NUGGC: variants seen among roughly 807,000 people sequenced by gnomAD.
NUGGC encodes the protein nuclear GTPase SLIP-GC.
In NUGGC, 58 loss-of-function variants were observed where a neutral mutation model predicts 92.6. The ratio of observed to expected loss-of-function variants is 0.63; its 90% confidence interval spans 0.51 to 0.78. NUGGC has a LOEUF of 0.78. Among genes scored for constraint, NUGGC ranks in the 30% least tolerant of loss-of-function variants. NUGGC has a pLI of 0.00. For synonymous variants in NUGGC, 376 were observed against 366.4 expected (o/e 1.03, Z -0.30); for missense variants, 925 against 964.6 (o/e 0.96, Z 0.54).
rs1233668793 is a variant in NUGGC, at chr8:28,067,639, C to T, written c.586G>A (p.Ala196Thr). The T allele has an allele frequency of 9.3e-6, 15 of 1,614,000 alleles. No homozygotes were observed. The highest frequency in any genetic ancestry group is 6.7e-5 in the East Asian group (3 of 44,884). ...TAAATCATTTGTAGCTTCCAGGTGG[C>T]TTCCTCCACTGCCTCATCCCTGTTC... ...AWNRDEAVEE[A>T]TWKLQMIYGN... The change falls in exon 6 of 19, where the codon GCC (alanine) becomes ACC (threonine). Residue 196 changes from alanine to threonine, a missense_variant. Physicochemically the swap from Ala to Thr is moderately conservative, Grantham distance 58. Transcript: ENST00000413272.
rs746435023 is a variant in NUGGC, at chr8:28,041,153, C to T, written c.1509G>A (p.Glu503=). 1.2e-6 allele frequency: 2 copies of T among 1,611,082 alleles called. No homozygotes were observed. Among genetic ancestry groups the T allele is most frequent in the Non-Finnish European group, 1.7e-6 (2 of 1,178,886 alleles). The change falls in exon 13 of 19, where the codon GAG becomes GAA. Residue 503 remains glutamate, a synonymous_variant. Transcript: ENST00000413272. ...RFAEEKVELL[E]KAIAQCFACM... ...AGGCGAAGCACTGTGCGATGGCCTTCTCCAGCAGCTCAACCTTCTCTTCCG... is the reference window on the plus strand; with the variant it reads ...AGGCGAAGCACTGTGCGATGGCCTTTTCCAGCAGCTCAACCTTCTCTTCCG...
At chr8:28,073,766 C>T (rs114310985) in intron 2 of NUGGC, among the ~76,000 whole-genome samples, 5,557 of 152,078 alleles carry the variant, frequency 0.037, 145 homozygotes, top group African/African-American at 0.077. Context: ...AGACAGGCTA[C>T]CTGACTTGGA....
At chr8:28,031,029 TG>T (rs1410036836) in intron 15 of NUGGC, among the ~76,000 whole-genome samples, 1 of 152,188 alleles carries the variant, frequency 6.6e-6, no homozygotes, top group Non-Finnish European at 1.5e-5. Flanking sequence ...TGCTTCACAG[TG>T]GAACAAAATG....
intron 18 of NUGGC, among the ~76,000 whole-genome samples, chr8:28,026,601 G>A (rs762654520): frequency 9.9e-5 from 15 of 152,146 alleles, no homozygotes; most frequent in Non-Finnish European, 2.1e-4. Context: ...GGGACCTTGG[G>A]CACATTTCCT....
At chr8:28,032,066 T>G (rs1046859894) in intron 14 of NUGGC, among the ~76,000 whole-genome samples, 1 of 152,174 alleles carries the variant, frequency 6.6e-6, no homozygotes. Context: ...TGCTCTCTCT[T>G]TGCCACCTGC....
At position 28,066,404 on chromosome 8, in the gene NUGGC, C is replaced by T. The variant is rs77986953; in HGVS notation, c.711+1110G>A. Among the ~76,000 whole-genome samples, 123 of 152,182 alleles carry T rather than the reference C, an allele frequency of 8.1e-4. 1 individual carries two copies. In the East Asian group the frequency reaches 0.02, roughly 25 times the overall value. On this transcript the variant is annotated intron_variant, in intron 6 of 18. Coordinates refer to ENST00000413272, the MANE Select transcript of NUGGC (RefSeq NM_001010906.2). ...AAGCATTTAAACATTTTAAGAGGCT[C>T]AAGTATATTGAACTTTAACTGTAAT...
At chr8:28,063,916 G>A (rs928404249) in intron 7 of NUGGC, among the ~76,000 whole-genome samples, 4 of 151,980 alleles carry the variant, frequency 2.6e-5, no homozygotes, top group Admixed American at 6.6e-5. Context: ...TCTGTTTACC[G>A]CGCCCTTTCT....
Position 28,023,451 on chromosome 8 carries a change from C to T in NUGGC, c.2257G>A (p.Glu753Lys). The change falls in exon 19 of 19, where the codon GAA becomes AAA. Residue 753 changes from glutamate (E) to lysine (K), a missense_variant. Glu to Lys is a moderately conservative substitution (Grantham distance 56, BLOSUM62 1). Coordinates refer to ENST00000413272, the MANE Select transcript of NUGGC (RefSeq NM_001010906.2). ...LYKELADVGSEYKEMEKLHRS... is the reference protein window; with the variant it reads ...LYKELADVGSKYKEMEKLHRS... Reference sequence around the variant, plus strand: ...TGCAGCTTCTCCATCTCCTTGTATTCACTCCCGACATCTACAGGAGAGCAG... The same window carrying T: ...TGCAGCTTCTCCATCTCCTTGTATTTACTCCCGACATCTACAGGAGAGCAG... 2 of 1,613,648 alleles carry T rather than the reference C, an allele frequency of 1.2e-6. No homozygotes were observed. Among genetic ancestry groups the T allele is most frequent in the Non-Finnish European group, 1.7e-6 (2 of 1,179,742 alleles).
intron 2 of NUGGC, among the ~76,000 whole-genome samples, chr8:28,073,666 A>C (rs553695780): frequency 6.6e-6 from 1 of 152,182 alleles, no homozygotes; most frequent in African/African-American, 2.4e-5. Context: ...CACTGACTCC[A>C]ATGTGAGTCA....
intron 13 of NUGGC, among the ~76,000 whole-genome samples, chr8:28,034,061 G>A (rs1266408024): frequency 6.6e-6 from 1 of 152,180 alleles, no homozygotes; most frequent in East Asian, 1.9e-4. Flanking sequence ...AACTTAAGTA[G>A]TGTTTGAGAA....
rs1810669886 is a variant in NUGGC, at chr8:28,074,425, ACTC to A, written c.-18_-16del. On this transcript the variant is annotated 5_prime_UTR_variant, in exon 2 of 19. Coordinates refer to ENST00000413272, the MANE Select transcript of NUGGC (RefSeq NM_001010906.2). ...GTTTCTGCCATTCCTTGTTACGTGA[ACTC>A]CTGCTCTTCTCAGTTCAGGAGAACC... 1 of 1,613,278 alleles carries A rather than the reference ACTC, an allele frequency of 6.2e-7. No homozygotes were observed. Among genetic ancestry groups the A allele is most frequent in the Non-Finnish European group, 8.5e-7 (1 of 1,179,648 alleles).
At chr8:28,041,588 C>T (rs1180605961) in intron 12 of NUGGC, among the ~76,000 whole-genome samples, 6 of 152,208 alleles carry the variant, frequency 3.9e-5, no homozygotes, top group Non-Finnish European at 7.3e-5. Context: ...AAACATTTCA[C>T]GGGCTTGGAC....
chr8:28,050,865 C>T (rs943544115), intron 10 of NUGGC, among the ~76,000 whole-genome samples: 1 of 151,870 alleles, frequency 6.6e-6, no homozygotes, highest in Non-Finnish European at 1.5e-5. Context: ...AAATCAGTGA[C>T]ATAAATCATG....
At chr8:28,058,967 G>A (rs905304950) in intron 8 of NUGGC, among the ~76,000 whole-genome samples, 1 of 152,174 alleles carries the variant, frequency 6.6e-6, no homozygotes, top group African/African-American at 2.4e-5. Context: ...GCCTCCCAAA[G>A]TGCTGGGATT....
At chr8:28,082,816 G>A (rs1224573931) in intron 1 of NUGGC, among the ~76,000 whole-genome samples, 1 of 152,100 alleles carries the variant, frequency 6.6e-6, no homozygotes, top group Non-Finnish European at 1.5e-5. Context: ...TGAGGCAGGA[G>A]GATTACTTGA....
At chr8:28,054,430 C>T (rs1033772238) in intron 10 of NUGGC, among the ~76,000 whole-genome samples, 7 of 151,498 alleles carry the variant, frequency 4.6e-5, no homozygotes, top group Admixed American at 2.0e-4. Flanking sequence ...TGCAGTGAGC[C>T]GAGATTGCAC....
chr8:28,053,324 A>G (rs576760969), intron 10 of NUGGC, among the ~76,000 whole-genome samples: 27 of 152,184 alleles, frequency 1.8e-4, no homozygotes, highest in Non-Finnish European at 2.9e-4. Context: ...GTGGTGGTGC[A>G]TACCGGTATA....
chr8:28,058,291 GA>G lies in NUGGC; in HGVS notation c.1098-16del. The G allele has an allele frequency of 1.9e-6, 1 of 520,160 alleles. No homozygotes were observed. The highest frequency in any genetic ancestry group is 3.7e-5 in the South Asian group (1 of 26,866). 32.2% of individuals were successfully genotyped at this position (520,160 alleles called of 1,614,324 possible). A position where few individuals can be genotyped will look rare whatever the true frequency, so the allele number is the denominator to read the frequency against. On this transcript the variant is annotated splice_polypyrimidine_tract_variant and intron_variant, in intron 8 of 18. Coordinates refer to ENST00000413272, the MANE Select transcript of NUGGC (RefSeq NM_001010906.2). ...CCTTTCTTTCCCTGAAATGAAATTAGAAAAATGTAACAATTACTTAATTTTT... is the reference window on the plus strand; with the variant it reads ...CCTTTCTTTCCCTGAAATGAAATTAGAAAATGTAACAATTACTTAATTTTT...
intron 7 of NUGGC, 135 bp downstream of exon 7, chr8:28,064,387 A>G: frequency 1.3e-6 from 1 of 785,296 alleles, no homozygotes; most frequent in Non-Finnish European, 2.1e-6. Flanking sequence ...CTTGAGACTT[A>G]GAACATAGAA....
Sources: allele counts gnomAD v4.1 joint callset (sites outside exome capture counted in the v4.1 genomes callset), GRCh38; gene constraint gnomAD v4.1.1; transcripts MANE v1.5; gene names NCBI Gene and HGNC (gene_info 2026-07-23, HGNC 2026-07-21).